The following INPP5D variants were observed in gnomAD, a reference collection of about 807,000 sequenced individuals.
INPP5D encodes phosphatidylinositol 3,4,5-trisphosphate 5-phosphatase 1.
In INPP5D, 33 loss-of-function variants were observed where a neutral mutation model predicts 122.9. The ratio of observed to expected loss-of-function variants is 0.27; its 90% CI spans 0.20 to 0.36. The LOEUF (loss-of-function observed/expected upper bound fraction) is 0.36, where lower values mean the gene tolerates loss of function less well. Among genes scored for constraint, INPP5D ranks in the 10% least tolerant of loss-of-function variants. The pLI is 1.00. For synonymous variants in INPP5D, 584 were observed against 576.2 expected (o/e 1.01, Z -0.19); for missense variants, 1,053 against 1,412.7 (o/e 0.75, Z 4.08).
intron 1 of INPP5D, among the ~76,000 whole-genome samples, chr2:233,063,908 A>G (rs77873359): frequency 0.029 from 4,375 of 152,342 alleles, 228 homozygotes; most frequent in African/African-American, 0.098. Flanking sequence ...CGTTGGGTAC[A>G]TCGTGGGTGG....
chr2:233,128,207 G>A lies in INPP5D; in HGVS notation c.524+2288G>A, dbSNP rs924236554. ...CGCCTCTTAGGAGAATCTAACTAACGCCTGATGATCTGAGATGGAGCAGTT... is the reference window on the plus strand; with the variant it reads ...CGCCTCTTAGGAGAATCTAACTAACACCTGATGATCTGAGATGGAGCAGTT... On this transcript the variant is annotated intron_variant, in intron 4 of 26. Transcript: ENST00000445964. The surrounding 1 kb of genome is among the most constrained non-coding windows in gnomAD (Gnocchi z 4.5). Among the ~76,000 whole-genome samples the A allele has an allele frequency of 3.9e-5, 6 of 152,072 alleles. No individual in the cohort carries two copies. Among genetic ancestry groups the A allele is most frequent in the East Asian group, 3.9e-4 (2 of 5,186 alleles).
intron 2 of INPP5D, among the ~76,000 whole-genome samples, chr2:233,081,051 T>C (rs1043752291): frequency 3.9e-5 from 6 of 152,242 alleles, no homozygotes; most frequent in African/African-American, 1.4e-4. Flanking sequence ...AAGGCACATC[T>C]GCTGAAGGCT....
At chr2:233,186,972 C>T (rs1005630033) in intron 21 of INPP5D, among the ~76,000 whole-genome samples, 3 of 151,848 alleles carry the variant, frequency 2.0e-5, no homozygotes, top group East Asian at 1.9e-4. Flanking sequence ...CCACTGGTCT[C>T]GGCCTCCCAA....
intron 1 of INPP5D, among the ~76,000 whole-genome samples, chr2:233,075,595 GTA>G (rs936866971): frequency 8.0e-5 from 12 of 150,792 alleles, no homozygotes; most frequent in South Asian, 6.3e-4. Flanking sequence ...GTGTGCACAT[GTA>G]TATGTGTGTG....
chr2:233,175,214 T>C (rs1173194648), intron 17 of INPP5D, among the ~76,000 whole-genome samples: 1 of 20,850 alleles, frequency 4.8e-5, no homozygotes. Context: ...CGAGACTCCA[T>C]CTCAAAAAAA....
intron 1 of INPP5D, among the ~76,000 whole-genome samples, chr2:233,065,580 CTTCT>C (rs66533229): frequency 0.057 from 744 of 13,042 alleles, 73 homozygotes; most frequent in Admixed American, 0.07. Flanking sequence ...TCTTTCTTTC[CTTCT>C]TTCTTTCTTT....
At chr2:233,151,615 G>A (rs902078412) in intron 9 of INPP5D, among the ~76,000 whole-genome samples, 2 of 152,204 alleles carry the variant, frequency 1.3e-5, no homozygotes, top group African/African-American at 2.4e-5. Context: ...CGTGCTCAGG[G>A]ATTGCCAATT....
At chr2:233,192,731 G>A (rs13392569) in intron 22 of INPP5D, among the ~76,000 whole-genome samples, 2 of 152,144 alleles carry the variant, frequency 1.3e-5, no homozygotes, top group African/African-American at 4.8e-5. Context: ...TTATTCTTCA[G>A]CTACATTTTT....
At chr2:233,108,377 CCTCT>C (rs1400495189) in intron 2 of INPP5D, among the ~76,000 whole-genome samples, 3 of 152,210 alleles carry the variant, frequency 2.0e-5, no homozygotes, top group Non-Finnish European at 2.9e-5. Flanking sequence ...AGCTGCTCAA[CCTCT>C]CTAAGACTCA....
intron 1 of INPP5D, among the ~76,000 whole-genome samples, chr2:233,065,573 TTCTTTCC>T (rs1691191328): frequency 3.8e-5 from 1 of 26,502 alleles, no homozygotes; most frequent in Non-Finnish European, 8.2e-5. Context: ...TTTTCTTTCT[TTCTTTCC>T]TTCTTTCTTT....
intron 2 of INPP5D, among the ~76,000 whole-genome samples, chr2:233,094,561 G>A (rs7423246): frequency 0.7 from 98,491 of 140,720 alleles, 34,820 homozygotes; most frequent in Middle Eastern, 0.79. Flanking sequence ...TCTGGCTGCT[G>A]GAAAATTTAA....
chr2:233,145,170 T>C (rs144181925), intron 6 of INPP5D: 93,276 of 454,834 alleles, frequency 0.21, 10,105 homozygotes, highest in Middle Eastern at 0.34. Flanking sequence ...TAACATAGAA[T>C]AGATGCTTTG....
intron 2 of INPP5D, among the ~76,000 whole-genome samples, chr2:233,120,168 G>A (rs576053791): frequency 7.2e-5 from 11 of 152,284 alleles, no homozygotes; most frequent in East Asian, 3.9e-4. Flanking sequence ...CAAGGATGGC[G>A]CCTTCTCAAC....
chr2:233,096,785 A>G (rs1692156212), intron 2 of INPP5D, among the ~76,000 whole-genome samples: 1 of 151,478 alleles, frequency 6.6e-6, no homozygotes, highest in Admixed American at 6.6e-5. Flanking sequence ...AACCCTTTAT[A>G]TGTTTTGTAT....
chr2:233,163,935 C>G, intron 12 of INPP5D, 32 bp downstream of exon 12: 1 of 1,608,172 alleles, frequency 6.2e-7, no homozygotes, highest in African/African-American at 1.3e-5. Context: ...GGGTGGGCTT[C>G]CGGGATAGAA....
chr2:233,124,114 T>G (rs920421233), intron 3 of INPP5D, among the ~76,000 whole-genome samples: 1 of 121,594 alleles, frequency 8.2e-6, no homozygotes, highest in African/African-American at 3.4e-5. Context: ...AAAATACAAG[T>G]TTTTTTTTTT....
chr2:233,125,814 C>T lies in INPP5D; in HGVS notation c.419C>T (p.Ala140Val). 2 of 1,613,920 alleles carry T rather than the reference C, an allele frequency of 1.2e-6. No homozygotes were observed. Reference sequence around the variant, plus strand: ...CCGCTGACTGCCAGCTCCTGTGAGGCCAAGGAGGTTCCTTTTTCAAACGAG... The same window carrying T: ...CCGCTGACTGCCAGCTCCTGTGAGGTCAAGGAGGTTCCTTTTTCAAACGAG... ...NIPLTASSCEAKEVPFSNENP... is the reference protein window; with the variant it reads ...NIPLTASSCEVKEVPFSNENP... The change falls in exon 4 of 27, where the codon GCC becomes GTC. Residue 140 changes from alanine (A) to valine (V), a missense_variant. Physicochemically the swap from Ala to Val is moderately conservative, Grantham distance 64. This residue lies in a region of INPP5D where 196 missense variants were observed against 175.6 expected (regional missense o/e 1.12). Coordinates refer to ENST00000445964, the MANE Select transcript of INPP5D (RefSeq NM_001017915.3).
intron 9 of INPP5D, among the ~76,000 whole-genome samples, chr2:233,151,891 G>C (rs1049212767): frequency 1.3e-5 from 2 of 152,234 alleles, no homozygotes; most frequent in Admixed American, 1.3e-4. Flanking sequence ...ACACATGAAT[G>C]AGAGAATGAA....
At chr2:233,062,408 C>A (rs1018384615) in intron 1 of INPP5D, among the ~76,000 whole-genome samples, 4 of 152,324 alleles carry the variant, frequency 2.6e-5, no homozygotes, top group South Asian at 4.1e-4. Context: ...GGTGCAACAG[C>A]CCTGGCTTTT....
Sources: allele counts gnomAD v4.1 joint callset (sites outside exome capture counted in the v4.1 genomes callset), GRCh38; gene constraint gnomAD v4.1.1; regional missense constraint gnomAD v4.1.1; non-coding constraint Gnocchi (gnomAD v3.1); transcripts MANE v1.5; gene names NCBI Gene and HGNC (gene_info 2026-07-23, HGNC 2026-07-21).